BTRC: variants seen among roughly 807,000 people sequenced by gnomAD.
The protein encoded by BTRC is F-box/WD repeat-containing protein 1A.
In BTRC, 42 loss-of-function variants were observed where a neutral mutation model predicts 85.5. The observed-to-expected ratio is 0.49, with a 90% CI of 0.38 to 0.64. The LOEUF is 0.64. BTRC is among the 30% of genes least tolerant of loss of function. BTRC has a pLI of 0.00. For synonymous variants in BTRC, 255 were observed against 263.3 expected (o/e 0.97, Z 0.30); for missense variants, 594 against 743.5 (o/e 0.80, Z 2.34).
intron 4 of BTRC, among the ~76,000 whole-genome samples, chr10:101,505,309 CT>C (rs1244964921): frequency 5.4e-5 from 8 of 149,338 alleles, no homozygotes; most frequent in Non-Finnish European, 1.2e-4. Context: ...TGGCCGTTGA[CT>C]AATACATTTT....
intron 3 of BTRC, among the ~76,000 whole-genome samples, chr10:101,478,958 A>G (rs1945766416): frequency 6.6e-6 from 1 of 151,612 alleles, no homozygotes; most frequent in Non-Finnish European, 1.5e-5. Flanking sequence ...AAAAAAAAAA[A>G]AGAAACATGC....
intron 3 of BTRC, among the ~76,000 whole-genome samples, chr10:101,470,616 C>T (rs1945498649): frequency 6.6e-6 from 1 of 152,272 alleles, no homozygotes; most frequent in Middle Eastern, 3.4e-3. Flanking sequence ...AGGCGCGAGC[C>T]ACCGCGCCTA....
At chr10:101,464,514 C>A (rs1449765960) in intron 3 of BTRC, among the ~76,000 whole-genome samples, 1 of 151,320 alleles carries the variant, frequency 6.6e-6, no homozygotes, top group Non-Finnish European at 1.5e-5. Context: ...TCCCCCTGCC[C>A]ACTTTAATTT....
At chr10:101,449,687 C>T (rs556680463) in intron 2 of BTRC, among the ~76,000 whole-genome samples, 5 of 152,128 alleles carry the variant, frequency 3.3e-5, no homozygotes, top group African/African-American at 1.2e-4. Flanking sequence ...GATACGTATT[C>T]TTGGCTTTTT....
rs1942416159 is a variant in BTRC at position 101,366,862 on chromosome 10, A to AATATATATTTATG, written c.48+12634_48+12635insATATATATTTATG. The stretch of plus-strand genomic sequence containing the variant: ...TATTTATGTATATTAATATATATTT[A>AATATATATTTATG]TATATTAATATATATTTATATATAT... On this transcript the variant is annotated intron_variant, in intron 1 of 14. Coordinates refer to ENST00000370187, the MANE Select transcript of BTRC (RefSeq NM_033637.4). Among the ~76,000 whole-genome samples the AATATATATTTATG allele has an allele frequency of 7.0e-5, 2 of 28,746 alleles. 1 individual carries two copies. The highest frequency in any genetic ancestry group is 2.9e-4 in the African/African-American group (2 of 6,870). 18.9% of individuals were successfully genotyped at this position (28,746 alleles called of 152,430 possible).
intron 4 of BTRC, among the ~76,000 whole-genome samples, chr10:101,504,430 T>C (rs9420843): frequency 0.37 from 56,699 of 151,542 alleles, 11,706 homozygotes; most frequent in Middle Eastern, 0.48. Context: ...TCATCTCTCC[T>C]GTAGCCATCT....
At chr10:101,484,464 C>T (rs1945929539) in intron 4 of BTRC, among the ~76,000 whole-genome samples, 1 of 152,198 alleles carries the variant, frequency 6.6e-6, no homozygotes, top group African/African-American at 2.4e-5. Context: ...TTCCATGCTA[C>T]TTGCTGTACC....
chr10:101,498,329 T>G (rs1170439757), intron 4 of BTRC, among the ~76,000 whole-genome samples: 1 of 151,890 alleles, frequency 6.6e-6, no homozygotes, highest in Non-Finnish European at 1.5e-5. Flanking sequence ...AATTTTTGTA[T>G]TTTTAGTAGA....
chr10:101,354,783 GA>G (rs1027811998), intron 1 of BTRC, among the ~76,000 whole-genome samples: 2 of 152,072 alleles, frequency 1.3e-5, no homozygotes, highest in Non-Finnish European at 2.9e-5. Flanking sequence ...AATGAGGAGG[GA>G]GGATAGCCTT....
At chr10:101,381,871 C>G (rs1942937475) in intron 1 of BTRC, among the ~76,000 whole-genome samples, 1 of 150,228 alleles carries the variant, frequency 6.7e-6, no homozygotes, top group Non-Finnish European at 1.5e-5. Flanking sequence ...AATACAAGAT[C>G]CCACTCAGGA....
intron 1 of BTRC, among the ~76,000 whole-genome samples, chr10:101,418,766 C>A (rs548153639): frequency 6.6e-6 from 1 of 152,108 alleles, no homozygotes; most frequent in African/African-American, 2.4e-5. Flanking sequence ...CGTAGGTAAA[C>A]ATGCCATGGT....
chr10:101,460,553 CATAAG>C (rs1945197723), intron 2 of BTRC, among the ~76,000 whole-genome samples: 1 of 152,182 alleles, frequency 6.6e-6, no homozygotes, highest in Non-Finnish European at 1.5e-5. Context: ...AGTTAAACCT[CATAAG>C]ATATTTCTGC....
rs1338579544 is a variant in BTRC at position 101,477,079 on chromosome 10, C to T, written c.235-2289C>T. 5.3e-5 allele frequency among the ~76,000 whole-genome samples: 8 copies of T among 152,142 alleles called. No homozygotes were observed. The South Asian group carries it at 8.3e-4, about 16-fold the overall frequency. On this transcript the variant is annotated intron_variant, in intron 3 of 14. Coordinates refer to ENST00000370187, the MANE Select transcript of BTRC (RefSeq NM_033637.4). ...GCAGCCTCTGCCTCCCGGGTTCAAG[C>T]GATTCTTCTGCCTCAGCCTCCCGAG...
At chr10:101,422,072 G>T (rs942180228) in intron 1 of BTRC, among the ~76,000 whole-genome samples, 1 of 152,148 alleles carries the variant, frequency 6.6e-6, no homozygotes, top group Non-Finnish European at 1.5e-5. Context: ...GGTTGAACTA[G>T]TTTACAGTCC....
chr10:101,457,542 G>A (rs576579138), intron 2 of BTRC, among the ~76,000 whole-genome samples: 25 of 152,270 alleles, frequency 1.6e-4, no homozygotes, highest in Admixed American at 7.8e-4. Context: ...CTGAAATTGC[G>A]TGAGTGAAAC....
In BTRC at chr10:101,555,264, A is replaced by C. The variant is rs1463119540; in HGVS notation, c.*2141A>C. The stretch of plus-strand genomic sequence containing the variant: ...AATATTGCCCAATAGCCATAATTTT[A>C]CCAGCCTTTCTGTCATATGCTGCTA... On this transcript the variant is annotated 3_prime_UTR_variant, in exon 15 of 15. Coordinates refer to ENST00000370187, the MANE Select transcript of BTRC (RefSeq NM_033637.4). 2 of 152,688 alleles carry C rather than the reference A, an allele frequency of 1.3e-5. No homozygotes were observed. The highest frequency in any genetic ancestry group is 1.5e-5 in the Non-Finnish European group (1 of 68,050). The allele number at this position is 152,688 out of a possible 1,614,324, so 9.5% of individuals were successfully genotyped here.
chr10:101,364,050 G>A (rs947966532), intron 1 of BTRC, among the ~76,000 whole-genome samples: 4 of 152,118 alleles, frequency 2.6e-5, no homozygotes, highest in Admixed American at 2.0e-4. Flanking sequence ...AGCAGGGCAG[G>A]GAGTAACTTG....
intron 4 of BTRC, among the ~76,000 whole-genome samples, chr10:101,498,763 G>A (rs930882567): frequency 6.6e-6 from 1 of 152,142 alleles, no homozygotes; most frequent in East Asian, 1.9e-4. Flanking sequence ...AGCCAAGGCA[G>A]GCAGATGACC....
intron 13 of BTRC, among the ~76,000 whole-genome samples, chr10:101,544,426 A>G (rs1039921536): frequency 5.9e-5 from 8 of 136,712 alleles, no homozygotes; most frequent in Non-Finnish European, 9.5e-5. Flanking sequence ...TTTTTTTTTT[A>G]AGGGATGGGG....
Sources: gnomAD v4.1 joint callset for allele counts (sites outside exome capture counted in the v4.1 genomes callset) on GRCh38, gnomAD v4.1.1 for gene constraint, MANE v1.5 for transcripts, NCBI Gene and HGNC (gene_info 2026-07-23, HGNC 2026-07-21) for gene names.